DPH6: variants seen among roughly 807,000 people sequenced by gnomAD.
DPH6 encodes the protein diphthine--ammonia ligase.
A neutral mutation model predicts 38.2 loss-of-function variants in DPH6; 33 were observed. The observed-to-expected ratio is 0.86, with a 90% confidence interval of 0.65 to 1.15. The LOEUF is 1.15. Among genes scored for constraint, DPH6 ranks in the 50% most tolerant of loss-of-function variants. The pLI is 0.00. For synonymous variants in DPH6, 108 were observed against 103.0 expected, an observed-to-expected ratio of 1.05 and a Z score of -0.30; for missense variants, 325 against 320.0, an observed-to-expected ratio of 1.02 and a Z score of -0.12.
chr15:35,237,544 T>A (rs1205225085), intron 3 of DPH6: 1 of 1,551,314 alleles, frequency 6.4e-7, no homozygotes, highest in Non-Finnish European at 8.9e-7. Context: ...AACTAAGCGA[T>A]AACAGAGTCT....
intron 3 of DPH6, among the ~76,000 whole-genome samples, chr15:35,504,752 A>G (rs2054672617): frequency 6.6e-6 from 1 of 152,122 alleles, no homozygotes; most frequent in Non-Finnish European, 1.5e-5. Flanking sequence ...CTGTTTGCCT[A>G]TGAAATGCCT....
At chr15:35,505,963 A>G (rs2054688677) in intron 3 of DPH6, among the ~76,000 whole-genome samples, 1 of 152,122 alleles carries the variant, frequency 6.6e-6, no homozygotes, top group Admixed American at 6.6e-5. Flanking sequence ...TTTATACTCT[A>G]AAGAGAACAG....
At chr15:35,376,917 C>G (rs999220409) in intron 7 of DPH6, among the ~76,000 whole-genome samples, 2 of 152,098 alleles carry the variant, frequency 1.3e-5, no homozygotes, top group Admixed American at 6.6e-5. Flanking sequence ...ATGCATTTCT[C>G]AGAATGTTTC....
At chr15:35,331,974 C>T (rs897712487) in intron 3 of DPH6, among the ~76,000 whole-genome samples, 2 of 152,114 alleles carry the variant, frequency 1.3e-5, no homozygotes, top group South Asian at 4.1e-4. Flanking sequence ...GTCATTCTGT[C>T]CAAAACTGTT....
At chr15:35,243,341 C>T (rs1471496755) in intron 3 of DPH6, among the ~76,000 whole-genome samples, 9 of 141,246 alleles carry the variant, frequency 6.4e-5, no homozygotes, top group African/African-American at 1.0e-4. Context: ...CAAAAATTTT[C>T]GCCGCCCCAA....
intron 6 of DPH6, among the ~76,000 whole-genome samples, chr15:35,397,466 G>A (rs1329337819): frequency 6.6e-6 from 1 of 152,100 alleles, no homozygotes; most frequent in Non-Finnish European, 1.5e-5. Context: ...AATGTTACTG[G>A]AAAATATTTC....
At chr15:35,296,140 C>T (rs1008625393) in intron 3 of DPH6, among the ~76,000 whole-genome samples, 7 of 151,926 alleles carry the variant, frequency 4.6e-5, no homozygotes, top group South Asian at 4.1e-4. Flanking sequence ...GGGGTTTCAC[C>T]GTGTTAGCCA....
At chr15:35,441,748 A>C (rs749066041) in intron 5 of DPH6, among the ~76,000 whole-genome samples, 1 of 152,086 alleles carries the variant, frequency 6.6e-6, no homozygotes, top group Non-Finnish European at 1.5e-5. Context: ...ACCATGGTAC[A>C]TGTATACCTA....
intron 5 of DPH6, among the ~76,000 whole-genome samples, chr15:35,439,232 A>C (rs2053755682): frequency 6.6e-6 from 1 of 152,240 alleles, no homozygotes; most frequent in Admixed American, 6.5e-5. Context: ...GACCGAACTA[A>C]TGAAAAACTG....
chr15:35,534,059 T>G (rs944384583), intron 3 of DPH6, among the ~76,000 whole-genome samples: 43 of 150,778 alleles, frequency 2.9e-4, no homozygotes, highest in African/African-American at 9.2e-4. Context: ...AGAAGAAAAC[T>G]AAGAAAAAAA....
intron 4 of DPH6, among the ~76,000 whole-genome samples, chr15:35,451,241 A>AT (rs902269693): frequency 1.3e-5 from 2 of 151,642 alleles, no homozygotes; most frequent in Admixed American, 6.6e-5. Context: ...CTAACTTTGA[A>AT]TTTTTTTTTA....
intron 6 of DPH6, among the ~76,000 whole-genome samples, chr15:35,408,843 C>T (rs986598184): frequency 3.3e-5 from 5 of 151,958 alleles, no homozygotes; most frequent in Non-Finnish European, 7.4e-5. Context: ...TGAGGCATCT[C>T]AGACATGAAG....
chr15:35,279,165 G>A (rs1023179364), intron 3 of DPH6, among the ~76,000 whole-genome samples: 2 of 151,002 alleles, frequency 1.3e-5, no homozygotes, highest in Non-Finnish European at 2.9e-5. Flanking sequence ...TTTTTGGGGT[G>A]ATTTCTCCAT....
At chr15:35,477,391 G>C (rs1221589087) in intron 3 of DPH6, among the ~76,000 whole-genome samples, 1 of 151,622 alleles carries the variant, frequency 6.6e-6, no homozygotes, top group African/African-American at 2.4e-5. Flanking sequence ...GTAAAAAAAT[G>C]AATTATAATA....
In DPH6 at chr15:35,257,126, C is replaced by T. The variant is rs117732283; in HGVS notation, n.201-36544G>A. Among the ~76,000 whole-genome samples, 972 of 152,206 alleles carry T rather than the reference C, an allele frequency of 6.4e-3. 17 individuals carry two copies. The highest frequency in any genetic ancestry group is 9.8e-3 in the Non-Finnish European group (665 of 68,018). On this transcript the variant is annotated intron_variant and non_coding_transcript_variant, in intron 3 of 3. Coordinates refer to the DPH6 transcript ENST00000560386. ...TGGGCATTATAAGTGTCAGTAGTGA[C>T]ATGGGCAGGCATCACCATGAAAAGA...
chr15:35,473,893 A>G (rs921648750), intron 3 of DPH6, among the ~76,000 whole-genome samples: 1 of 151,676 alleles, frequency 6.6e-6, no homozygotes, highest in Non-Finnish European at 1.5e-5. Flanking sequence ...AAAAAAGGCA[A>G]GCGATAGAAC....
At chr15:35,318,194 G>A (rs141602994) in intron 3 of DPH6, among the ~76,000 whole-genome samples, 38 of 152,014 alleles carry the variant, frequency 2.5e-4, no homozygotes, top group African/African-American at 8.0e-4. Context: ...AATAAAAAAG[G>A]TGGAAAAAGA....
chr15:35,194,397 T>G, the DPH6 span, among the ~76,000 whole-genome samples: 957 of 124,468 alleles, frequency 7.7e-3, 2 homozygotes, highest in Admixed American at 0.016. Flanking sequence ...GAGAGAGAGA[T>G]AGAGAGAGAG....
chr15:35,362,484 A>G (rs2052622111), intron 3 of DPH6, among the ~76,000 whole-genome samples: 1 of 152,102 alleles, frequency 6.6e-6, no homozygotes, highest in African/African-American at 2.4e-5. Context: ...CTTTAACCCA[A>G]ATGTGGCAAG....
Sources: allele counts gnomAD v4.1 joint callset (sites outside exome capture counted in the v4.1 genomes callset), GRCh38; gene constraint gnomAD v4.1.1; transcripts MANE v1.5; gene names NCBI Gene and HGNC (gene_info 2026-07-23, HGNC 2026-07-21).